NUP35: variants seen among roughly 807,000 people sequenced by gnomAD.
The protein encoded by NUP35 is nucleoporin 35, also known as nucleoporin NUP35.
Under a neutral mutation model 41.5 loss-of-function variants are expected in NUP35, and 25 were observed. That is an observed-to-expected ratio of 0.60 (90% CI 0.44 to 0.84). The LOEUF (loss-of-function observed/expected upper bound fraction) is 0.84. Ranked by LOEUF, NUP35 falls within the 40% of genes least tolerant of loss-of-function variation. The probability of loss-of-function intolerance (pLI) is 0.00; values close to 1 mark genes in which losing one functional copy is unlikely to be tolerated. For synonymous variants in NUP35, 149 were observed against 130.7 expected, an observed-to-expected ratio of 1.14 and a Z score of -0.96; for missense variants, 396 against 396.6, an observed-to-expected ratio of 1.00 and a Z score of 0.01.
chr2:183,148,634 T>G (rs35661877), intron 4 of NUP35, among the ~76,000 whole-genome samples: 35,160 of 151,968 alleles, frequency 0.23, 4,378 homozygotes, highest in African/African-American at 0.32. Flanking sequence ...CCCACTTCTT[T>G]AACAGGTTAT....
Position 183,130,543 on chromosome 2 carries a change from CA to C in NUP35, c.338del (p.Gln113ArgfsTer6). The C allele has an allele frequency of 1.2e-6, 2 of 1,612,864 alleles. No individual in the cohort carries two copies. Among genetic ancestry groups the C allele is most frequent in the Non-Finnish European group, 1.7e-6 (2 of 1,179,496 alleles). On this transcript the variant is annotated frameshift_variant and splice_region_variant, in exon 3 of 9. Coordinates refer to ENST00000295119, the MANE Select transcript of NUP35 (RefSeq NM_138285.5). LOFTEE classifies it high-confidence loss of function. ...ATCAACACCTTTAACTTCAAGAAGA[CA>C]GGTAATATAAATACCCTTTTGATCC... ...LGSTPLTSRR[Q>X]PNISVMQSPL...
chr2:183,141,211 A>G (rs765561358), intron 4 of NUP35, among the ~76,000 whole-genome samples: 6 of 151,796 alleles, frequency 4.0e-5, no homozygotes, highest in Non-Finnish European at 7.4e-5. Flanking sequence ...CTGCTTCCAT[A>G]ATCACATAGC....
chr2:183,137,632 CA>C (rs566728315), intron 4 of NUP35, among the ~76,000 whole-genome samples: 34 of 151,254 alleles, frequency 2.2e-4, no homozygotes, highest in Non-Finnish European at 3.2e-4. Flanking sequence ...ATTGAAAATC[CA>C]AAAACAGGGC....
chr2:183,120,822 A>G (rs72892648), upstream of NUP35, among the ~76,000 whole-genome samples: 2,611 of 152,316 alleles, frequency 0.017, 40 homozygotes, highest in Non-Finnish European at 0.027. Context: ...TGGAAAGAAA[A>G]AGACAAAAGA....
At chr2:183,158,795 ATAT>A (rs1360218261) in intron 7 of NUP35, among the ~76,000 whole-genome samples, 1 of 152,192 alleles carries the variant, frequency 6.6e-6, no homozygotes. Flanking sequence ...GAATTAGTTC[ATAT>A]TAACATTAAC....
intron 5 of NUP35, 124 bp downstream of exon 5, chr2:183,151,773 T>A: frequency 2.5e-6 from 2 of 811,364 alleles, no homozygotes; most frequent in South Asian, 3.7e-5. Context: ...ACCACCTAGG[T>A]TCTATGGTTA....
At chr2:183,135,899 C>T (rs1160122603) in intron 4 of NUP35, among the ~76,000 whole-genome samples, 2 of 151,432 alleles carry the variant, frequency 1.3e-5, no homozygotes, top group African/African-American at 2.4e-5. Flanking sequence ...AAAAAAAGCA[C>T]GCAAAAAAAC....
chr2:183,149,908 T>A (rs969997187), intron 4 of NUP35, among the ~76,000 whole-genome samples: 3 of 152,276 alleles, frequency 2.0e-5, no homozygotes, highest in Non-Finnish European at 4.4e-5. Context: ...TACCTTTTTT[T>A]TAATTTTTTT....
intron 4 of NUP35, among the ~76,000 whole-genome samples, chr2:183,147,722 G>A (rs1233613383): frequency 2.0e-5 from 3 of 152,094 alleles, no homozygotes; most frequent in African/African-American, 7.2e-5. Context: ...GAAAAATGAT[G>A]TTGGTTATTT....
Position 183,151,407 on chromosome 2 carries a change from G to A in NUP35, c.398-101G>A, listed in dbSNP as rs1685464568. ...TATGTTTTGAACTGTTTATGTAATTGCCAACTTTATTAGACTTTATCATTT... is the reference window on the plus strand; with the variant it reads ...TATGTTTTGAACTGTTTATGTAATTACCAACTTTATTAGACTTTATCATTT... On this transcript the variant is annotated intron_variant, in intron 4 of 8. Coordinates refer to ENST00000295119, the MANE Select transcript of NUP35 (RefSeq NM_138285.5). 6 of 1,110,182 alleles carry A rather than the reference G, an allele frequency of 5.4e-6. No individual in the cohort carries two copies. The South Asian group carries it at 7.7e-5, about 14-fold the overall frequency. 68.8% of individuals were successfully genotyped at this position (1,110,182 alleles called of 1,614,324 possible). A position where few individuals can be genotyped will look rare whatever the true frequency, so the allele number is the denominator to read the frequency against.
intron 4 of NUP35, among the ~76,000 whole-genome samples, chr2:183,147,369 A>AT (rs558564336): frequency 2.6e-5 from 4 of 151,946 alleles, no homozygotes; most frequent in African/African-American, 4.8e-5. Context: ...ATCTTGGTTA[A>AT]TTTTTTTTAT....
At chr2:183,137,649 G>A (rs1007043820) in intron 4 of NUP35, among the ~76,000 whole-genome samples, 1 of 151,816 alleles carries the variant, frequency 6.6e-6, no homozygotes, top group African/African-American at 2.4e-5. Flanking sequence ...AGGGCTGAGT[G>A]TGGCATGGTG....
chr2:183,134,852 C>T (rs1186292536), intron 4 of NUP35, among the ~76,000 whole-genome samples: 1 of 151,734 alleles, frequency 6.6e-6, no homozygotes. Context: ...TCTCGAACTC[C>T]TGACCTTGTG....
intron 4 of NUP35, among the ~76,000 whole-genome samples, chr2:183,139,076 A>G (rs1218912273): frequency 6.6e-6 from 1 of 152,188 alleles, no homozygotes; most frequent in Non-Finnish European, 1.5e-5. Context: ...AGCTGGGTAC[A>G]AAGGACCTAA....
intron 4 of NUP35, among the ~76,000 whole-genome samples, chr2:183,150,808 A>C (rs1289968589): frequency 6.6e-6 from 1 of 152,162 alleles, no homozygotes; most frequent in Non-Finnish European, 1.5e-5. Context: ...GAATGAGTAA[A>C]TCATTATTGC....
intron 5 of NUP35, among the ~76,000 whole-genome samples, chr2:183,155,635 G>T (rs1014298028): frequency 7.0e-6 from 1 of 143,152 alleles, no homozygotes; most frequent in Non-Finnish European, 1.5e-5. Flanking sequence ...GCAGTGGCAT[G>T]ATCATAGCTC....
chr2:183,133,458 A>T, intron 3 of NUP35, 108 bp from the exon 4 acceptor site: 1 of 815,334 alleles, frequency 1.2e-6, no homozygotes, highest in African/African-American at 1.8e-5. Flanking sequence ...AATTAGAGGC[A>T]TCTCTAGCAC....
intron 4 of NUP35, among the ~76,000 whole-genome samples, chr2:183,143,375 C>T (rs558083219): frequency 4.6e-5 from 7 of 151,584 alleles, no homozygotes; most frequent in South Asian, 2.1e-4. Flanking sequence ...GCATAGGATT[C>T]GGTATTGGCA....
chr2:183,124,437 T>C, upstream of NUP35: 1 of 1,614,114 alleles, frequency 6.2e-7, no homozygotes, highest in Admixed American at 1.7e-5. Flanking sequence ...GGTACTGGTT[T>C]TAAGTGTAGT....
Sources: gnomAD v4.1 joint callset for allele counts (sites outside exome capture counted in the v4.1 genomes callset) on GRCh38, gnomAD v4.1.1 for gene constraint, MANE v1.5 for transcripts, NCBI Gene and HGNC (gene_info 2026-07-23, HGNC 2026-07-21) for gene names.